CKS2: variants seen among roughly 807,000 people sequenced by gnomAD.
The protein encoded by CKS2 is CDC28 protein kinase regulatory subunit 2.
CKS2 carries 4 observed loss-of-function variants against 14.3 expected under a neutral mutation model. The observed-to-expected ratio is 0.28, with a 90% CI of 0.14 to 0.64. The LOEUF is 0.64. Among genes scored for constraint, CKS2 ranks in the 30% least tolerant of loss-of-function variants. The pLI, the probability that CKS2 is intolerant of heterozygous loss-of-function variation, is 0.83. For synonymous variants in CKS2, 33 were observed against 28.7 expected, an observed-to-expected ratio of 1.15 and a Z score of -0.48; for missense variants, 71 against 94.3, an observed-to-expected ratio of 0.75 and a Z score of 1.02.
At chr9:89,311,431 CG>C (rs1474212864) in intron 1 of CKS2, 80 bp downstream of exon 1, 4 of 660,850 alleles carry the variant, frequency 6.1e-6, no homozygotes, top group Non-Finnish European at 9.2e-6. Flanking sequence ...ATAGTAGGGT[CG>C]GGGGTGGGGG....
Position 89,315,288 on chromosome 9 carries a change from C to G in CKS2, c.178C>G (p.His60Asp). 6.3e-7 allele frequency: 1 copy of G among 1,596,100 alleles called. No individual in the cohort carries two copies. The highest frequency in any genetic ancestry group is 8.5e-7 in the Non-Finnish European group (1 of 1,170,102). Reference sequence around the variant, plus strand: ...TCTAGGCTGGGTTCATTACATGATTCATGAGCCAGGTAAGCTATGCTATGT... The same window carrying G: ...TCTAGGCTGGGTTCATTACATGATTGATGAGCCAGGTAAGCTATGCTATGT... ...QSLGWVHYMI[H>D]EPEPHILLFR... Residue 60 changes from histidine (H) to aspartate (D), a missense_variant, in exon 2 of 3, where the codon CAT (histidine) becomes GAT (aspartate). By Grantham distance (81) the His-to-Asp change is moderately conservative. Coordinates refer to ENST00000314355, the MANE Select transcript of CKS2 (RefSeq NM_001827.3).
At chr9:89,311,531 G>A (rs2274576) in intron 1 of CKS2, among the ~76,000 whole-genome samples, 180 bp downstream of exon 1, 50,072 of 152,080 alleles carry the variant, frequency 0.33, 8,572 homozygotes, top group South Asian at 0.44. Flanking sequence ...AGTCGGACAT[G>A]GTTGGGTGCC....
chr9:89,311,216 G>A lies in CKS2; in HGVS notation c.-77G>A, dbSNP rs541610603. 4.0e-5 allele frequency: 49 copies of A among 1,224,764 alleles called. No homozygotes were observed. The highest frequency in any genetic ancestry group is 3.3e-4 in the African/African-American group (22 of 66,214). 75.9% of individuals were successfully genotyped at this position (1,224,764 alleles called of 1,614,324 possible). A position where few individuals can be genotyped will look rare whatever the true frequency, so the allele number is the denominator to read the frequency against. Reference sequence around the variant, plus strand: ...GGTCGTTAGTCTCCGGCGAGTTGTTGCCTGGGCTGGACGTGGTTTTGTCTG... The same window carrying A: ...GGTCGTTAGTCTCCGGCGAGTTGTTACCTGGGCTGGACGTGGTTTTGTCTG... On this transcript the variant is annotated 5_prime_UTR_variant, in exon 1 of 3. Coordinates refer to ENST00000314355, the MANE Select transcript of CKS2 (RefSeq NM_001827.3).
chr9:89,311,453 G>C (rs962493643), intron 1 of CKS2, 102 bp downstream of exon 1: 26 of 812,994 alleles, frequency 3.2e-5, no homozygotes, highest in Middle Eastern at 7.6e-4. Flanking sequence ...CCGGGGCCTG[G>C]GGGGCGGAGC....
In CKS2 at chr9:89,316,650, T is replaced by A. The variant is rs1421210600; in HGVS notation, c.*225T>A. 5 of 399,148 alleles carry A rather than the reference T, an allele frequency of 1.3e-5. No homozygotes were observed. The highest frequency in any genetic ancestry group is 4.3e-5 in the Admixed American group (1 of 23,298). The allele number at this position is 399,148 out of a possible 1,614,324, so 24.7% of individuals were successfully genotyped here. A position where few individuals can be genotyped will look rare whatever the true frequency, so the allele number is the denominator to read the frequency against. The stretch of plus-strand genomic sequence containing the variant: ...TCAGTTTTTCTCTTAAGTGCCTGTT[T>A]GAGTTTACTGAAACAGTTTACTTTT... On this transcript the variant is annotated 3_prime_UTR_variant, in exon 3 of 3. Transcript: ENST00000314355.
At chr9:89,316,254 C>T in intron 2 of CKS2, 119 bp from the exon 3 acceptor site, 1 of 684,048 alleles carries the variant, frequency 1.5e-6, no homozygotes, top group South Asian at 1.9e-5. Context: ...TTGGATACCT[C>T]AAACCAATTA....
intron 2 of CKS2, 26 bp downstream of exon 2, chr9:89,315,323 G>A (rs746883399): frequency 1.3e-6 from 2 of 1,495,878 alleles, no homozygotes; most frequent in Admixed American, 2.1e-5. Flanking sequence ...TTATAGTAAA[G>A]CAGTAATTGT....
rs1229138433 is a variant in CKS2 at position 89,314,831 on chromosome 9, A to G, written c.60-339A>G. Among the ~76,000 whole-genome samples, 3 of 152,238 alleles carry G rather than the reference A, an allele frequency of 2.0e-5. 1 individual carries two copies. The highest frequency in any genetic ancestry group is 4.1e-4 in the South Asian group (2 of 4,836). On this transcript the variant is annotated intron_variant, in intron 1 of 2. Coordinates refer to ENST00000314355, the MANE Select transcript of CKS2 (RefSeq NM_001827.3). ...TTCTTTCCCTTTGAGAACACTTTTC[A>G]TAATAAGTTACACATTTTCTTATAT...
rs780897091 is a variant in CKS2, at chr9:89,311,270, A to G, written c.-23A>G. ...CGCCCGCTCTTCGCGCTCTCGTTTC[A>G]TTTTCTGCAGCGCGCCAGCAGGATG... On this transcript the variant is annotated 5_prime_UTR_variant, in exon 1 of 3. Coordinates refer to ENST00000314355, the MANE Select transcript of CKS2 (RefSeq NM_001827.3). The G allele has an allele frequency of 8.1e-6, 13 of 1,605,528 alleles. No individual in the cohort carries two copies. The highest frequency in any genetic ancestry group is 1.1e-5 in the Non-Finnish European group (13 of 1,176,014).
chr9:89,314,247 T>C (rs1824669230), intron 1 of CKS2, among the ~76,000 whole-genome samples: 1 of 152,188 alleles, frequency 6.6e-6, no homozygotes, highest in Non-Finnish European at 1.5e-5. Context: ...AAATTCTTAC[T>C]CAATTTGGGG....
chr9:89,315,202 A>G lies in CKS2; in HGVS notation c.92A>G (p.Gln31Arg), dbSNP rs761493207. 1.2e-6 allele frequency: 2 copies of G among 1,610,914 alleles called. No homozygotes were observed. The highest frequency in any genetic ancestry group is 1.1e-5 in the South Asian group (1 of 90,858). Residue 31 changes from glutamine (Q) to arginine (R), a missense_variant, in exon 2 of 3, where the codon CAA (glutamine) becomes CGA (arginine). Transcript: ENST00000314355. ...HVMLPRELSK[Q>R]VPKTHLMSEE... is the part of the protein sequence containing the mutation. ...ATGTTACCCAGAGAACTTTCCAAAC[A>G]AGTACCTAAAACTCATCTGATGTCT...
chr9:89,311,609 G>A (rs1056899017), intron 1 of CKS2, among the ~76,000 whole-genome samples: 4 of 152,204 alleles, frequency 2.6e-5, no homozygotes, highest in Non-Finnish European at 4.4e-5. Context: ...TGCCCACCGG[G>A]CCGCATTTAG....
intron 1 of CKS2, among the ~76,000 whole-genome samples, chr9:89,312,921 G>A (rs1024816583): frequency 2.6e-5 from 4 of 152,298 alleles, no homozygotes; most frequent in African/African-American, 7.2e-5. Context: ...GTATAATATT[G>A]AAAATAAATG....
chr9:89,311,912 C>T (rs1308837114), intron 1 of CKS2, among the ~76,000 whole-genome samples: 1 of 152,046 alleles, frequency 6.6e-6, no homozygotes, highest in Non-Finnish European at 1.5e-5. Flanking sequence ...GAACACTTTT[C>T]TTTTTCTTGT....
chr9:89,313,534 T>TA (rs1824656513), intron 1 of CKS2, among the ~76,000 whole-genome samples: 1 of 152,246 alleles, frequency 6.6e-6, no homozygotes, highest in South Asian at 2.1e-4. Flanking sequence ...TGTGGCAAAA[T>TA]ACAGGTAGAA....
At chr9:89,316,313 A>T in intron 2 of CKS2, 60 bp from the exon 3 acceptor site, 1 of 1,101,490 alleles carries the variant, frequency 9.1e-7, no homozygotes, top group Non-Finnish European at 1.4e-6. Context: ...AATACTTTTG[A>T]ATTTCTGTTG....
At chr9:89,315,507 T>C (rs1282805165) in intron 2 of CKS2, among the ~76,000 whole-genome samples, 1 of 145,620 alleles carries the variant, frequency 6.9e-6, no homozygotes, top group African/African-American at 2.6e-5. Context: ...TAACACATTA[T>C]TCTACTTGGA....
intron 2 of CKS2, 100 bp from the exon 3 acceptor site, chr9:89,316,273 C>A: frequency 1.3e-6 from 1 of 756,488 alleles, no homozygotes. Flanking sequence ...TAATAGTGGA[C>A]TTAGTTTATT....
chr9:89,316,427 G>C lies in CKS2; in HGVS notation c.*2G>C, dbSNP rs778251129. On this transcript the variant is annotated 3_prime_UTR_variant, in exon 3 of 3. Coordinates refer to ENST00000314355, the MANE Select transcript of CKS2 (RefSeq NM_001827.3). ...CTTCCAAAAGATCAACAAAAATGAA[G>C]TTTATCTGGGGATCGTCAAATCTTT... is the stretch of plus-strand genomic sequence containing the variant. 6.4e-7 allele frequency: 1 copy of C among 1,570,144 alleles called. No homozygotes were observed. Among genetic ancestry groups the C allele is most frequent in the Admixed American group, 1.7e-5 (1 of 58,876 alleles).
Sources: allele counts gnomAD v4.1 joint callset (sites outside exome capture counted in the v4.1 genomes callset), GRCh38; gene constraint gnomAD v4.1.1; transcripts MANE v1.5; gene names NCBI Gene and HGNC (gene_info 2026-07-23, HGNC 2026-07-21).